ZNF789: variants seen among roughly 807,000 people sequenced by gnomAD.
The protein encoded by ZNF789 is zinc finger protein 789.
ZNF789 carries 11 observed loss-of-function variants against 15.6 expected under a neutral mutation model. That is an observed-to-expected ratio of 0.70 (90% CI 0.44 to 1.16). The LOEUF (loss-of-function observed/expected upper bound fraction) is 1.16, where lower values mean the gene tolerates loss of function less well. ZNF789 is among the 50% of genes most tolerant of loss of function. The pLI is 0.00. For missense variants in ZNF789, 461 were observed against 512.6 expected, an observed-to-expected ratio of 0.90 and a Z score of 0.97; for synonymous variants, 159 against 176.0, an observed-to-expected ratio of 0.90 and a Z score of 0.76.
Position 99,487,147 on chromosome 7 carries a change from C to T in ZNF789, c.937C>T (p.His313Tyr). The T allele has an allele frequency of 1.2e-6, 2 of 1,614,120 alleles. No individual in the cohort carries two copies. Among genetic ancestry groups the T allele is most frequent in the Non-Finnish European group, 1.7e-6 (2 of 1,180,038 alleles). The change falls in exon 5 of 5, where the codon CAT (histidine) becomes TAT (tyrosine). Residue 313 changes from histidine to tyrosine, a missense_variant. Physicochemically the swap from His to Tyr is moderately conservative, Grantham distance 83. Coordinates refer to ENST00000331410, the MANE Select transcript of ZNF789 (RefSeq NM_213603.3). ...GGTGATCCATAGTGGAGAAAAACGC[C>T]ATAAATGCCTTGAGTGTGGAAAAGC... ...HQVIHSGEKR[H>Y]KCLECGKAFG...
chr7:99,484,025 A>T lies in ZNF789; in HGVS notation c.152-5A>T. On this transcript the variant is annotated splice_region_variant and splice_polypyrimidine_tract_variant and intron_variant, in intron 3 of 4. Coordinates refer to ENST00000331410, the MANE Select transcript of ZNF789 (RefSeq NM_213603.3). ...GCCACATCCCATTTACTTCCCCATG[A>T]GTAGGATTTCAGTTTCCCAAACCTG... 1.2e-6 allele frequency: 2 copies of T among 1,613,544 alleles called. No individual in the cohort carries two copies. The highest frequency in any genetic ancestry group is 1.7e-6 in the Non-Finnish European group (2 of 1,179,552).
chr7:99,481,174 T>G (rs1003133504), intron 3 of ZNF789: 1 of 152,242 alleles, frequency 6.6e-6, no homozygotes, highest in Non-Finnish European at 1.5e-5. Flanking sequence ...TAAACGAGCA[T>G]AATATAATTC....
chr7:99,482,286 A>G (rs557013806), intron 3 of ZNF789: 50 of 773,766 alleles, frequency 6.5e-5, no homozygotes, highest in South Asian at 3.7e-4. Flanking sequence ...AGGTATGAAC[A>G]TTGTTCAGGC....
Position 99,486,599 on chromosome 7 carries a change from A to C in ZNF789, c.389A>C (p.His130Pro), listed in dbSNP as rs369068130. 7 of 1,614,122 alleles carry C rather than the reference A, an allele frequency of 4.3e-6. No homozygotes were observed. In the South Asian group the frequency reaches 6.6e-5, roughly 15 times the overall value. Reference sequence around the variant, plus strand: ...GCTGAGAAACTTTCAGAAAAGTTACATAAGTGTAAAGAATTTGTGGACAGT... The same window carrying C: ...GCTGAGAAACTTTCAGAAAAGTTACCTAAGTGTAAAGAATTTGTGGACAGT... ...ESAEKLSEKL[H>P]KCKEFVDSCR... The change falls in exon 5 of 5, where the codon CAT becomes CCT. Residue 130 changes from histidine (H) to proline (P), a missense_variant. Coordinates refer to ENST00000331410, the MANE Select transcript of ZNF789 (RefSeq NM_213603.3).
chr7:99,484,991 CCTCT>C (rs970392348), intron 4 of ZNF789, among the ~76,000 whole-genome samples: 2 of 152,034 alleles, frequency 1.3e-5, no homozygotes, highest in African/African-American at 4.8e-5. Context: ...GAATGCTTAT[CCTCT>C]CTCTCCTGCA....
chr7:99,480,410 T>C (rs942295484), intron 3 of ZNF789: 1 of 152,232 alleles, frequency 6.6e-6, no homozygotes, highest in Non-Finnish European at 1.5e-5. Flanking sequence ...TTATGTAAAA[T>C]ATTTACACCA....
chr7:99,482,401 A>G, intron 3 of ZNF789: 1 of 617,838 alleles, frequency 1.6e-6, no homozygotes, highest in Non-Finnish European at 2.9e-6. Context: ...TTTGACTGCC[A>G]CTGGTCACGT....
In ZNF789 at chr7:99,486,942, T is replaced by TA. The variant is rs1463758958; in HGVS notation, c.733dup (p.Thr245AsnfsTer4). On this transcript the variant is annotated frameshift_variant, in exon 5 of 5. Coordinates refer to ENST00000331410, the MANE Select transcript of ZNF789 (RefSeq NM_213603.3). LOFTEE classifies it low-confidence loss of function (END_TRUNC). ...AAGCCTTCAGACAGCGGTCAGCTCT[T>TA]ACGGTCCATAAACAGTGTCACCTGC... 2 of 1,614,182 alleles carry TA rather than the reference T, an allele frequency of 1.2e-6. No homozygotes were observed. The highest frequency in any genetic ancestry group is 1.7e-6 in the Non-Finnish European group (2 of 1,180,044).
Position 99,486,647 on chromosome 7 carries a change from G to C in ZNF789, c.437G>C (p.Ser146Thr), listed in dbSNP as rs759387489. The C allele has an allele frequency of 3.8e-5, 62 of 1,614,088 alleles. No homozygotes were observed. The highest frequency in any genetic ancestry group is 5.1e-5 in the Non-Finnish European group (60 of 1,180,050). ...VDSCRLTFPT[S>T]GDEYSRGFLQ... Reference sequence around the variant, plus strand: ...AGTTGCAGGCTTACTTTCCCTACTAGTGGTGATGAATACAGCAGGGGCTTC... The same window carrying C: ...AGTTGCAGGCTTACTTTCCCTACTACTGGTGATGAATACAGCAGGGGCTTC... The change falls in exon 5 of 5, where the codon AGT becomes ACT. Residue 146 changes from serine to threonine, a missense_variant. Physicochemically the swap from Ser to Thr is moderately conservative, Grantham distance 58. Coordinates refer to ENST00000331410, the MANE Select transcript of ZNF789 (RefSeq NM_213603.3).
Position 99,487,385 on chromosome 7 carries a change from C to T in ZNF789, c.1175C>T (p.Thr392Ile). The T allele has an allele frequency of 1.2e-6, 2 of 1,614,242 alleles. No homozygotes were observed. Among genetic ancestry groups the T allele is most frequent in the Non-Finnish European group, 1.7e-6 (2 of 1,180,050 alleles). Residue 392 changes from threonine (T) to isoleucine (I), a missense_variant, in exon 5 of 5, where the codon ACT becomes ATT. Coordinates refer to ENST00000331410, the MANE Select transcript of ZNF789 (RefSeq NM_213603.3). ...RNLFRHQVIH[T>I]GSQPYQCVIC... ...CTTTTTCGACATCAGGTCATTCACA[C>T]TGGAAGCCAACCCTACCAATGTGTC...
In ZNF789 at chr7:99,474,318, G is replaced by A. The variant is rs1584546918; in HGVS notation, c.-55+1262G>A. Among the ~76,000 whole-genome samples the A allele has an allele frequency of 3.9e-5, 6 of 152,310 alleles. 1 individual carries two copies. Among genetic ancestry groups the A allele is most frequent in the Admixed American group, 3.9e-4 (6 of 15,300 alleles). On this transcript the variant is annotated intron_variant, in intron 1 of 4. Coordinates refer to ENST00000331410, the MANE Select transcript of ZNF789 (RefSeq NM_213603.3). Reference sequence around the variant, plus strand: ...AGGTTTTAAGAAAGTTTACGAGCCGGGCGCGGTGGCTCACGCCTGTAATCC... The same window carrying A: ...AGGTTTTAAGAAAGTTTACGAGCCGAGCGCGGTGGCTCACGCCTGTAATCC...
chr7:99,477,507 C>CT (rs35102403), intron 2 of ZNF789, among the ~76,000 whole-genome samples: 55,907 of 152,018 alleles, frequency 0.37, 16,392 homozygotes, highest in African/African-American at 0.81. Context: ...CGCCTGGTTA[C>CT]TTTTGTATTT....
Position 99,476,391 on chromosome 7 carries a change from TTTC to T in ZNF789, c.-54-7_-54-5del. 1 of 1,585,258 alleles carries T rather than the reference TTTC, an allele frequency of 6.3e-7. No homozygotes were observed. Among genetic ancestry groups the T allele is most frequent in the Admixed American group, 1.8e-5 (1 of 54,700 alleles). On this transcript the variant is annotated splice_polypyrimidine_tract_variant and intron_variant, in intron 1 of 4. Coordinates refer to ENST00000331410, the MANE Select transcript of ZNF789 (RefSeq NM_213603.3). Reference sequence around the variant, plus strand: ...ATTAGGGCTGGCCTTACTGACTTTTTTTCTTCTCCAGCTCAGCCAGACGTCCAG... The same window carrying T: ...ATTAGGGCTGGCCTTACTGACTTTTTTTCTCCAGCTCAGCCAGACGTCCAG...
intron 3 of ZNF789, among the ~76,000 whole-genome samples, chr7:99,482,627 G>A (rs1014645249): frequency 6.6e-6 from 1 of 151,954 alleles, no homozygotes; most frequent in Non-Finnish European, 1.5e-5. Flanking sequence ...GGTCAAGGTG[G>A]GCGGATCACC....
intron 3 of ZNF789, among the ~76,000 whole-genome samples, chr7:99,482,748 G>A (rs138044155): frequency 1.1e-3 from 167 of 152,196 alleles, no homozygotes; most frequent in African/African-American, 3.7e-3. Flanking sequence ...CAGCTATTCC[G>A]GAGGCTGAGG....
At chr7:99,481,772 C>A in intron 3 of ZNF789, 1 of 228,246 alleles carries the variant, frequency 4.4e-6, no homozygotes, top group South Asian at 5.3e-5. Context: ...TGCTTCTTTA[C>A]TATATCACTG....
intron 3 of ZNF789, chr7:99,483,638 TAAAC>T: frequency 1.3e-6 from 1 of 757,990 alleles, no homozygotes; most frequent in East Asian, 2.5e-5. Context: ...ATAAAAAAAA[TAAAC>T]AATTGAATAC....
intron 4 of ZNF789, chr7:99,485,092 T>C: frequency 7.8e-7 from 1 of 1,289,234 alleles, no homozygotes; most frequent in Non-Finnish European, 1.1e-6. Context: ...GATTCCACCC[T>C]CATTACTTGT....
At chr7:99,477,686 C>T (rs1799409538) in intron 2 of ZNF789, among the ~76,000 whole-genome samples, 1 of 152,102 alleles carries the variant, frequency 6.6e-6, no homozygotes, top group Non-Finnish European at 1.5e-5. Context: ...TGGCTCATGC[C>T]TGGAATCCCA....
Sources: allele counts gnomAD v4.1 joint callset (sites outside exome capture counted in the v4.1 genomes callset), GRCh38; gene constraint gnomAD v4.1.1; transcripts MANE v1.5; gene names NCBI Gene and HGNC (gene_info 2026-07-23, HGNC 2026-07-21).